The following MORN1 variants were observed in gnomAD, a reference collection of about 807,000 sequenced individuals.
MORN1 encodes MORN repeat-containing protein 1.
A neutral mutation model predicts 61.9 loss-of-function variants in MORN1; 67 were observed. The ratio of observed to expected loss-of-function variants is 1.08; its 90% CI spans 0.89 to 1.33. The LOEUF is 1.33. MORN1 is among the 40% of genes most tolerant of loss of function. The probability of loss-of-function intolerance (pLI) is 0.00; values close to 1 mark genes in which losing one functional copy is unlikely to be tolerated. For synonymous variants in MORN1, 301 were observed against 292.0 expected (o/e 1.03, Z -0.31); for missense variants, 752 against 691.2 (o/e 1.09, Z -0.99).
chr1:2,357,314 A>G lies in MORN1; in HGVS notation c.1036+118T>C. On this transcript the variant is annotated intron_variant, in intron 10 of 13. Transcript: ENST00000378531. The surrounding 1 kb of genome is among the most constrained non-coding windows in gnomAD (Gnocchi z 6.3). ...TCCTTTCACCCACGCGTGATGACTG[A>G]CCCTGGGTGCGGCTTGCTCCTGCTC... 1 of 1,139,128 alleles carries G rather than the reference A, an allele frequency of 8.8e-7. No individual in the cohort carries two copies. The highest frequency in any genetic ancestry group is 1.2e-6 in the Non-Finnish European group (1 of 809,586). The allele number at this position is 1,139,128 out of a possible 1,614,324, so 70.6% of individuals were successfully genotyped here. A position where few individuals can be genotyped will look rare whatever the true frequency, so the allele number is the denominator to read the frequency against.
intron 1 of MORN1, 77 bp from the exon 2 acceptor site, chr1:2,390,073 T>C (rs1310259036): frequency 3.7e-6 from 5 of 1,359,126 alleles, no homozygotes; most frequent in Non-Finnish European, 5.3e-6. Flanking sequence ...AAGGAGGGAG[T>C]GCAGCTCCCT....
intron 10 of MORN1, among the ~76,000 whole-genome samples, chr1:2,340,139 CT>C (rs936801677): frequency 2.6e-5 from 4 of 152,334 alleles, no homozygotes; most frequent in African/African-American, 9.6e-5. Flanking sequence ...CCTCCTGCCC[CT>C]GGGCCCTCCG....
chr1:2,346,925 G>A (rs1190625881), intron 10 of MORN1, among the ~76,000 whole-genome samples: 1 of 152,212 alleles, frequency 6.6e-6, no homozygotes, highest in Non-Finnish European at 1.5e-5. Context: ...GCTCCCACTA[G>A]CCCTGAAGGC....
chr1:2,354,068 T>A (rs1369291156), intron 10 of MORN1, among the ~76,000 whole-genome samples: 2 of 152,094 alleles, frequency 1.3e-5, no homozygotes. Context: ...GCAGATCACG[T>A]GAGGTCAGGA....
intron 13 of MORN1, chr1:2,322,548 C>T (rs1243861799): frequency 1.8e-4 from 179 of 984,178 alleles, no homozygotes; most frequent in Non-Finnish European, 2.1e-4. Flanking sequence ...CCCGAGTCAG[C>T]TCCTTTAGAA....
intron 10 of MORN1, among the ~76,000 whole-genome samples, chr1:2,348,643 G>A (rs1192818096): frequency 2.0e-5 from 3 of 151,100 alleles, no homozygotes; most frequent in African/African-American, 7.3e-5. Flanking sequence ...ACGCACCTGC[G>A]CAGGCACGCA....
At chr1:2,386,194 C>T (rs994353119) in intron 4 of MORN1, 3 of 400,662 alleles carry the variant, frequency 7.5e-6, no homozygotes, top group Non-Finnish European at 1.4e-5. Context: ...GTTGAGGGGC[C>T]CTGCGGACTG....
At chr1:2,322,590 A>AG in intron 13 of MORN1, 1 of 983,994 alleles carries the variant, frequency 1.0e-6, no homozygotes, top group Non-Finnish European at 1.2e-6. Flanking sequence ...GGGCCTCGCC[A>AG]GGGGGACACA....
At chr1:2,389,669 G>C (rs1351906827) in intron 2 of MORN1, among the ~76,000 whole-genome samples, 1 of 152,218 alleles carries the variant, frequency 6.6e-6, no homozygotes, top group Non-Finnish European at 1.5e-5. Flanking sequence ...GTCTGGAAAA[G>C]ACAAATGAAC....
At position 2,389,922 on chromosome 1, in the gene MORN1, C is replaced by T; in HGVS notation, c.148+3G>A. 1 of 1,613,918 alleles carries T rather than the reference C, an allele frequency of 6.2e-7. No homozygotes were observed. On this transcript the variant is annotated splice_donor_region_variant and intron_variant, in intron 2 of 13. Transcript: ENST00000378531. ...GCAAGAAGAGACCACAGATGCTTCTCACCGTGCTTCCTCCCTGCTTTCCAT... is the reference window on the plus strand; with the variant it reads ...GCAAGAAGAGACCACAGATGCTTCTTACCGTGCTTCCTCCCTGCTTTCCAT...
chr1:2,380,699 C>A (rs1210500165), intron 6 of MORN1, among the ~76,000 whole-genome samples: 1 of 152,032 alleles, frequency 6.6e-6, no homozygotes, highest in Non-Finnish European at 1.5e-5. Flanking sequence ...TGTGTACCAC[C>A]ATGCTTAGCT....
At chr1:2,332,449 C>T (rs903904) in intron 12 of MORN1, 73,152 of 361,940 alleles carry the variant, frequency 0.2, 8,318 homozygotes, top group South Asian at 0.25. Flanking sequence ...GATGGGCGAC[C>T]CCTGGCCCCG....
intron 10 of MORN1, among the ~76,000 whole-genome samples, chr1:2,347,626 GGGAC>G (rs1446309680): frequency 1.3e-5 from 2 of 152,180 alleles, no homozygotes; most frequent in African/African-American, 4.8e-5. Context: ...CGGTGCAGGG[GGGAC>G]GGGGCCACGC....
chr1:2,328,362 C>T (rs995903136), intron 12 of MORN1, among the ~76,000 whole-genome samples: 1 of 152,228 alleles, frequency 6.6e-6, no homozygotes, highest in African/African-American at 2.4e-5. Context: ...GCAGTAAGGG[C>T]CATGCCTGGG....
intron 12 of MORN1, among the ~76,000 whole-genome samples, chr1:2,327,964 G>A (rs1485178588): frequency 6.6e-6 from 1 of 152,246 alleles, no homozygotes; most frequent in Non-Finnish European, 1.5e-5. Flanking sequence ...GAGGCCTCCC[G>A]AGGAGCCCGT....
chr1:2,374,678 C>T (rs923671370), intron 6 of MORN1, 121 bp from the exon 7 acceptor site: 1 of 757,558 alleles, frequency 1.3e-6, no homozygotes, highest in Non-Finnish European at 2.2e-6. Flanking sequence ...TGCTAGAAAA[C>T]CACATCGTCT....
chr1:2,388,215 T>C (rs2100378589), intron 3 of MORN1, 24 bp downstream of exon 3: 2 of 1,583,572 alleles, frequency 1.3e-6, no homozygotes, highest in Non-Finnish European at 1.7e-6. Context: ...AAGGAGTGAA[T>C]GTGCCATCCC....
intron 1 of MORN1, among the ~76,000 whole-genome samples, chr1:2,390,243 AGAG>A (rs1212922780): frequency 6.6e-6 from 1 of 152,210 alleles, no homozygotes; most frequent in Non-Finnish European, 1.5e-5. Flanking sequence ...AGGCCCAGTA[AGAG>A]GAGGGCTGGC....
intron 10 of MORN1, among the ~76,000 whole-genome samples, chr1:2,346,488 C>T (rs1009082754): frequency 6.6e-5 from 10 of 152,206 alleles, no homozygotes; most frequent in African/African-American, 1.4e-4. Context: ...CTGGTTCAAG[C>T]GATTCTTCTG....
Sources: allele counts gnomAD v4.1 joint callset (sites outside exome capture counted in the v4.1 genomes callset), GRCh38; gene constraint gnomAD v4.1.1; non-coding constraint Gnocchi (gnomAD v3.1); transcripts MANE v1.5; gene names NCBI Gene and HGNC (gene_info 2026-07-23, HGNC 2026-07-21).